The following ROBO2 variants were observed in gnomAD, a reference collection of about 807,000 sequenced individuals.
ROBO2 encodes the protein roundabout guidance receptor 2.
Under a neutral mutation model 160.8 loss-of-function variants are expected in ROBO2, and 53 were observed. That is an observed-to-expected ratio of 0.33 (90% CI 0.26 to 0.41). The LOEUF (loss-of-function observed/expected upper bound fraction) is 0.41. ROBO2 is among the 10% of genes least tolerant of loss of function. The pLI is 1.00. For missense variants in ROBO2, 1,577 were observed against 1,722.4 expected, an observed-to-expected ratio of 0.92 and a Z score of 1.49; for synonymous variants, 664 against 611.7, an observed-to-expected ratio of 1.09 and a Z score of -1.26.
chr3:75,926,921 G>C (rs375177178), intron 1 of ROBO2, among the ~76,000 whole-genome samples: 1 of 152,138 alleles, frequency 6.6e-6, no homozygotes, highest in African/African-American at 2.4e-5. Context: ...TTTGGAAAAA[G>C]ATTATTTCCA....
At chr3:76,389,254 C>G (rs1044822750) in intron 2 of ROBO2, among the ~76,000 whole-genome samples, 3 of 152,184 alleles carry the variant, frequency 2.0e-5, no homozygotes, top group Admixed American at 1.3e-4. Context: ...AGAATCTCCT[C>G]AAGAGCTCCC....
chr3:76,675,427 G>A (rs921962028), intron 2 of ROBO2, among the ~76,000 whole-genome samples: 28 of 117,814 alleles, frequency 2.4e-4, no homozygotes, highest in African/African-American at 1.0e-3. Context: ...TTCTCCCCAG[G>A]GGGGAAAAAG....
In ROBO2 at chr3:76,858,131, G is replaced by A. The variant is rs560170890; in HGVS notation, c.110-239883G>A. Among the ~76,000 whole-genome samples the A allele has an allele frequency of 4.6e-5, 7 of 151,456 alleles. No homozygotes were observed. In the East Asian group the frequency reaches 1.0e-3, roughly 22 times the overall value. On this transcript the variant is annotated intron_variant, in intron 2 of 26. Coordinates refer to the ROBO2 transcript ENST00000487694. ...CTAGTACACTCCCAGCACAGCACTC[G>A]CTAGTACACTCCCAGCATAGCACTC... is the stretch of plus-strand genomic sequence containing the variant.
intron 2 of ROBO2, among the ~76,000 whole-genome samples, chr3:76,612,135 G>C (rs75968704): frequency 0.016 from 2,434 of 152,222 alleles, 67 homozygotes; most frequent in African/African-American, 0.051. Flanking sequence ...TATGATTTCA[G>C]TAGTTTTGAA....
At chr3:76,560,595 C>T (rs866480560) in intron 2 of ROBO2, among the ~76,000 whole-genome samples, 2 of 147,706 alleles carry the variant, frequency 1.4e-5, no homozygotes, top group Non-Finnish European at 3.0e-5. Context: ...AGTACTAGGA[C>T]TCTGATTACA....
At chr3:76,849,367 CTA>C (rs1420374558) in intron 2 of ROBO2, among the ~76,000 whole-genome samples, 1 of 152,080 alleles carries the variant, frequency 6.6e-6, no homozygotes, top group Non-Finnish European at 1.5e-5. Context: ...CTTTGCAGAT[CTA>C]TGTGTTATCC....
intron 2 of ROBO2, among the ~76,000 whole-genome samples, chr3:77,400,536 G>A (rs891171404): frequency 2.0e-5 from 3 of 152,130 alleles, no homozygotes; most frequent in East Asian, 1.9e-4. Flanking sequence ...CATTCGGTTC[G>A]TTTAAGTGTA....
At chr3:75,930,346 C>A (rs1166676358) in intron 1 of ROBO2, among the ~76,000 whole-genome samples, 1 of 152,140 alleles carries the variant, frequency 6.6e-6, no homozygotes, top group Non-Finnish European at 1.5e-5. Context: ...CACAATCCAT[C>A]CGTACTCTCT....
intron 2 of ROBO2, among the ~76,000 whole-genome samples, chr3:76,907,373 C>T (rs967692413): frequency 6.6e-6 from 1 of 152,142 alleles, no homozygotes; most frequent in African/African-American, 2.4e-5. Context: ...TAGATTATTA[C>T]AGTAGAACGA....
chr3:77,512,361 T>C (rs985174918), intron 5 of ROBO2, among the ~76,000 whole-genome samples: 4 of 151,978 alleles, frequency 2.6e-5, no homozygotes, highest in Non-Finnish European at 5.9e-5. Context: ...TTTTCAGCTC[T>C]CAAAATTGAA....
intron 2 of ROBO2, among the ~76,000 whole-genome samples, chr3:76,778,714 A>T (rs2108581033): frequency 6.6e-6 from 1 of 151,254 alleles, no homozygotes; most frequent in East Asian, 2.0e-4. Context: ...ATGGTCTGAT[A>T]TGCAGATTTC....
At chr3:77,394,870 C>A (rs369754858) in intron 2 of ROBO2, among the ~76,000 whole-genome samples, 1 of 152,034 alleles carries the variant, frequency 6.6e-6, no homozygotes, top group Non-Finnish European at 1.5e-5. Flanking sequence ...AGCTTCTAAC[C>A]GTACTACATT....
chr3:77,477,553 C>T, exon 3 of ROBO2: 1 of 1,613,898 alleles, frequency 6.2e-7, no homozygotes, highest in South Asian at 1.1e-5. Context: ...GAATTGATGA[C>T]AAGGAAGAAA....
chr3:77,292,029 A>G (rs2061347991), intron 2 of ROBO2, among the ~76,000 whole-genome samples: 1 of 151,822 alleles, frequency 6.6e-6, no homozygotes, highest in Non-Finnish European at 1.5e-5. Flanking sequence ...CCCAGAAATA[A>G]AGTAAAATTG....
intron 2 of ROBO2, among the ~76,000 whole-genome samples, chr3:76,368,404 A>G (rs192491314): frequency 5.9e-5 from 9 of 152,054 alleles, no homozygotes; most frequent in African/African-American, 9.6e-5. Context: ...TTTTTACTCT[A>G]TATGTCATTG....
At chr3:77,381,466 C>A (rs2073457840) in intron 2 of ROBO2, among the ~76,000 whole-genome samples, 1 of 152,164 alleles carries the variant, frequency 6.6e-6, no homozygotes, top group Admixed American at 6.6e-5. Context: ...TCTTCAGAGG[C>A]ACAATGCAAG....
At chr3:77,470,638 GTTAA>G (rs533234658) in intron 2 of ROBO2, among the ~76,000 whole-genome samples, 19 of 152,256 alleles carry the variant, frequency 1.2e-4, no homozygotes, top group African/African-American at 4.1e-4. Context: ...ATATGTGCCT[GTTAA>G]TTAATTTTTA....
intron 8 of ROBO2, among the ~76,000 whole-genome samples, chr3:77,556,235 A>C (rs971336416): frequency 6.6e-5 from 10 of 151,998 alleles, no homozygotes; most frequent in African/African-American, 2.4e-4. Context: ...TTGAATTTCT[A>C]TTTGCCTAAT....
At chr3:76,618,570 T>C (rs1024818453) in intron 2 of ROBO2, among the ~76,000 whole-genome samples, 3 of 151,594 alleles carry the variant, frequency 2.0e-5, no homozygotes, top group Non-Finnish European at 4.4e-5. Context: ...CTTTTGTCTG[T>C]GACTCTTCAA....
Sources: gnomAD v4.1 joint callset for allele counts (sites outside exome capture counted in the v4.1 genomes callset) on GRCh38, gnomAD v4.1.1 for gene constraint, MANE v1.5 for transcripts, NCBI Gene and HGNC (gene_info 2026-07-23, HGNC 2026-07-21) for gene names.